ZSCAN9: variants seen among roughly 807,000 people sequenced by gnomAD.
ZSCAN9 encodes the protein zinc finger and SCAN domain-containing protein 9.
In ZSCAN9, 19 loss-of-function variants were observed where a neutral mutation model predicts 23.0. That is an observed-to-expected ratio of 0.83 (90% confidence interval 0.58 to 1.21). ZSCAN9 has a LOEUF of 1.21. ZSCAN9 is among the 50% of genes most tolerant of loss of function. The probability of loss-of-function intolerance (pLI) is 0.00; values close to 1 mark genes in which losing one functional copy is unlikely to be tolerated. For missense variants in ZSCAN9, 467 were observed against 471.5 expected (o/e 0.99, Z 0.09); for synonymous variants, 155 against 164.8 (o/e 0.94, Z 0.46).
In ZSCAN9 at chr6:28,233,240, A is replaced by G; in HGVS notation, c.*62A>G. On this transcript the variant is annotated 3_prime_UTR_variant, in exon 4 of 4. Coordinates refer to ENST00000252207, the MANE Select transcript of ZSCAN9 (RefSeq NM_006299.5). ...AAGTTGTGTGGGGCAGGTTGAGACT[A>G]GAAAATGCCTCTTTCTTCCTTTCTC... 2.6e-6 allele frequency: 4 copies of G among 1,546,480 alleles called. No homozygotes were observed. The highest frequency in any genetic ancestry group is 2.6e-6 in the Non-Finnish European group (3 of 1,148,676).
At chr6:28,228,087 C>T (rs1404326046) in intron 3 of ZSCAN9, 3 of 687,374 alleles carry the variant, frequency 4.4e-6, no homozygotes, top group African/African-American at 1.8e-5. Context: ...TTTCAGGGAT[C>T]GCTGTGGAGC....
rs1443806954 is a variant in ZSCAN9 at position 28,233,228 on chromosome 6, C to T, written c.*50C>T. 6.4e-7 allele frequency: 1 copy of T among 1,563,110 alleles called. No homozygotes were observed. The highest frequency in any genetic ancestry group is 8.7e-7 in the Non-Finnish European group (1 of 1,155,706). On this transcript the variant is annotated 3_prime_UTR_variant, in exon 4 of 4. Coordinates refer to ENST00000252207, the MANE Select transcript of ZSCAN9 (RefSeq NM_006299.5). ...AGATCACCACCCAAGTTGTGTGGGGCAGGTTGAGACTAGAAAATGCCTCTT... is the reference window on the plus strand; with the variant it reads ...AGATCACCACCCAAGTTGTGTGGGGTAGGTTGAGACTAGAAAATGCCTCTT...
intron 3 of ZSCAN9, among the ~76,000 whole-genome samples, chr6:28,229,827 C>T (rs1150707): frequency 0.53 from 80,040 of 151,640 alleles, 24,888 homozygotes; most frequent in African/African-American, 0.87. Context: ...ATATAGTCTG[C>T]CTACCCATAT....
chr6:28,230,340 A>T, intron 3 of ZSCAN9: 1 of 1,530,814 alleles, frequency 6.5e-7, no homozygotes, highest in Non-Finnish European at 8.7e-7. Context: ...TTTCAGATTT[A>T]ATACGAAGTT....
intron 2 of ZSCAN9, 32 bp from the exon 3 acceptor site, chr6:28,227,658 T>G (rs753583442): frequency 3.8e-6 from 6 of 1,582,182 alleles, no homozygotes; most frequent in Non-Finnish European, 5.1e-6. Flanking sequence ...GTTAATTTCT[T>G]CAAAAGTCAA....
chr6:28,228,257 G>A (rs917073824), intron 3 of ZSCAN9: 28 of 564,640 alleles, frequency 5.0e-5, no homozygotes, highest in African/African-American at 7.7e-5. Context: ...GTCTACTTGC[G>A]CTGCCTTAAG....
chr6:28,231,001 A>G (rs893769529), intron 3 of ZSCAN9, among the ~76,000 whole-genome samples: 1 of 152,184 alleles, frequency 6.6e-6, no homozygotes, highest in Admixed American at 6.5e-5. Context: ...TTTGAAATTC[A>G]TAAAGTATAG....
At chr6:28,232,525 A>G in intron 3 of ZSCAN9, 37 bp from the exon 4 acceptor site, 2 of 1,579,532 alleles carry the variant, frequency 1.3e-6, no homozygotes, top group African/African-American at 1.4e-5. Flanking sequence ...GGCTCAGGGA[A>G]CAAGTGACAT....
At chr6:28,230,506 T>A (rs1217481830) in intron 3 of ZSCAN9, 2 of 1,534,658 alleles carry the variant, frequency 1.3e-6, no homozygotes, top group Non-Finnish European at 1.7e-6. Context: ...TTCTTGTATG[T>A]GAGAGACAGG....
intron 3 of ZSCAN9, chr6:28,230,602 A>G: frequency 1.0e-6 from 1 of 957,276 alleles, no homozygotes; most frequent in Non-Finnish European, 1.5e-6. Context: ...TCTGGGTTGC[A>G]AAGTGAAATC....
intron 2 of ZSCAN9, 41 bp downstream of exon 2, chr6:28,227,545 C>A (rs759877357): frequency 6.4e-7 from 1 of 1,565,374 alleles, no homozygotes; most frequent in South Asian, 1.2e-5. Context: ...TGTATTTTGG[C>A]ATGCCAAGAA....
At chr6:28,232,353 G>A (rs1326765426) in intron 3 of ZSCAN9, among the ~76,000 whole-genome samples, 3 of 152,054 alleles carry the variant, frequency 2.0e-5, no homozygotes, top group East Asian at 1.9e-4. Context: ...AAAAAACAAC[G>A]ACTCAGGCCA....
At chr6:28,229,897 G>A (rs926845856) in intron 3 of ZSCAN9, among the ~76,000 whole-genome samples, 9 of 144,780 alleles carry the variant, frequency 6.2e-5, no homozygotes, top group African/African-American at 1.5e-4. Flanking sequence ...TCGCTCTGTC[G>A]CCCAGGCTGG....
At position 28,227,974 on chromosome 6, in the gene ZSCAN9, C is replaced by T. The variant is rs564712835; in HGVS notation, c.568+137C>T. 42 of 1,042,020 alleles carry T rather than the reference C, an allele frequency of 4.0e-5. 1 individual carries two copies. The South Asian group carries it at 5.1e-4, about 13-fold the overall frequency. 64.5% of individuals were successfully genotyped at this position (1,042,020 alleles called of 1,614,324 possible). ...CAGTAATGGTCAGTTCTTCTGAGAG[C>T]CTAGTGTGCTCATCTTTGACCCTTC... On this transcript the variant is annotated intron_variant, in intron 3 of 3. Coordinates refer to ENST00000252207, the MANE Select transcript of ZSCAN9 (RefSeq NM_006299.5).
chr6:28,230,389 C>A lies in ZSCAN9; in HGVS notation c.569-2173C>A, dbSNP rs1031234518. 2.6e-6 allele frequency: 4 copies of A among 1,535,964 alleles called. No homozygotes were observed. In the African/African-American group the frequency reaches 5.5e-5, roughly 21 times the overall value. On this transcript the variant is annotated intron_variant, in intron 3 of 3. Coordinates refer to ENST00000252207, the MANE Select transcript of ZSCAN9 (RefSeq NM_006299.5). ...AGTACTGATCCCACTTGGGGCCCAT[C>A]TGTTCTCTACAGACACATTTTTATT...
At chr6:28,232,479 A>G (rs769649764) in intron 3 of ZSCAN9, 83 bp from the exon 4 acceptor site, 4 of 1,520,214 alleles carry the variant, frequency 2.6e-6, no homozygotes, top group African/African-American at 2.8e-5. Flanking sequence ...TTCCTTTTCT[A>G]TGATATATTT....
intron 3 of ZSCAN9, among the ~76,000 whole-genome samples, chr6:28,229,669 G>C (rs1388111533): frequency 1.3e-5 from 2 of 152,130 alleles, no homozygotes; most frequent in Non-Finnish European, 2.9e-5. Context: ...TAATAGGTAA[G>C]CTTGAGTTTC....
intron 3 of ZSCAN9, among the ~76,000 whole-genome samples, chr6:28,229,727 T>A (rs1169154256): frequency 6.6e-6 from 1 of 152,212 alleles, no homozygotes; most frequent in South Asian, 2.1e-4. Context: ...TACAAAAGTT[T>A]ATATAGTAAA....
intron 3 of ZSCAN9, chr6:28,228,165 C>A: frequency 1.5e-6 from 1 of 645,494 alleles, no homozygotes; most frequent in Non-Finnish European, 2.7e-6. Context: ...CTCATGGAAG[C>A]TGCTTGTATT....
Sources: allele counts gnomAD v4.1 joint callset (sites outside exome capture counted in the v4.1 genomes callset), GRCh38; gene constraint gnomAD v4.1.1; transcripts MANE v1.5; gene names NCBI Gene and HGNC (gene_info 2026-07-23, HGNC 2026-07-21).